Variants in FBN1 observed in about 807,000 individuals in gnomAD.
The protein encoded by FBN1 is fibrillin-1.
Under a neutral mutation model 365.1 loss-of-function variants are expected in FBN1, and 29 were observed. The observed-to-expected ratio is 0.08, with a 90% CI of 0.06 to 0.11. The LOEUF is 0.11. Among genes scored for constraint, FBN1 ranks in the 10% least tolerant of loss-of-function variants. The pLI is 1.00. For synonymous variants in FBN1, 1,210 were observed against 1,270.5 expected, an observed-to-expected ratio of 0.95 and a Z score of 1.01; for missense variants, 2,476 against 3,703.2, an observed-to-expected ratio of 0.67 and a Z score of 8.60.
In FBN1 at chr15:48,600,238, G is replaced by C; in HGVS notation, c.347-4C>G. The C allele has an allele frequency of 6.2e-7, 1 of 1,609,414 alleles. No individual in the cohort carries two copies. Among genetic ancestry groups the C allele is most frequent in the East Asian group, 2.2e-5 (1 of 44,828 alleles). On this transcript the variant is annotated splice_polypyrimidine_tract_variant and splice_region_variant and intron_variant, in intron 4 of 65. Coordinates refer to ENST00000316623, the MANE Select transcript of FBN1 (RefSeq NM_000138.5). Reference sequence around the variant, plus strand: ...CAGCGAATATTGCAGTGTTGTACTTGAAAAAAAAGAAGAAGAATTCACTTT... The same window carrying C: ...CAGCGAATATTGCAGTGTTGTACTTCAAAAAAAAGAAGAAGAATTCACTTT...
At chr15:48,542,007 AT>A (rs2044061740) in intron 6 of FBN1, among the ~76,000 whole-genome samples, 1 of 152,168 alleles carries the variant, frequency 6.6e-6, no homozygotes, top group African/African-American at 2.4e-5. Flanking sequence ...TTCATGGGAA[AT>A]TCTGCATCTC....
rs28730799 is a variant in FBN1 at position 48,600,307 on chromosome 15, T to C, written c.347-73A>G. 9,771 of 1,064,214 alleles carry C rather than the reference T, an allele frequency of 9.2e-3. 63 individuals are homozygous for C. The highest frequency in any genetic ancestry group is 0.012 in the Middle Eastern group (58 of 5,016). The allele number at this position is 1,064,214 out of a possible 1,614,324, so 65.9% of individuals were successfully genotyped here. ...ATTGCAACAGCTCACAGGAGTTGAT[T>C]TGTAGTTATTTGAAGAGAAAATCAA... On this transcript the variant is annotated intron_variant, in intron 4 of 65. Transcript: ENST00000316623.
intron 7 of FBN1, among the ~76,000 whole-genome samples, chr15:48,536,167 C>T (rs1280787296): frequency 6.6e-6 from 1 of 152,176 alleles, no homozygotes; most frequent in Non-Finnish European, 1.5e-5. Context: ...ATTTCACTCT[C>T]AAAATAGCAA....
rs564799534 is a variant in FBN1, at chr15:48,463,683, A to G, written c.5065+216T>C. Among the ~76,000 whole-genome samples, 10 of 152,350 alleles carry G rather than the reference A, an allele frequency of 6.6e-5. No homozygotes were observed. In the South Asian group the frequency reaches 2.1e-3, roughly 32 times the overall value. On this transcript the variant is annotated intron_variant, in intron 41 of 65. Transcript: ENST00000316623. The stretch of plus-strand genomic sequence containing the variant: ...ATTAACTGTTGTTTGGGATTTTCCA[A>G]CATACATTTTAGAGAAAACTCCCAA...
Position 48,425,382 on chromosome 15 carries a change from T to C in FBN1, c.7440A>G (p.Gly2480=), listed in dbSNP as rs1449160375. The part of the protein sequence containing the change: ...CPKGYILQED[G]RSCKDLDECA... ...ATTCTACTTTACCTTTGCAGCTCCT[T>C]CCATCCTCTTGCAGAATGTAGCCTT... The change falls in exon 60 of 66, where the codon GGA becomes GGG. Residue 2480 remains glycine (G), a synonymous_variant. Transcript: ENST00000316623. The C allele has an allele frequency of 6.2e-7, 1 of 1,614,206 alleles. No individual in the cohort carries two copies.
Position 48,437,773 on chromosome 15 carries a change from G to T in FBN1, c.6308C>A (p.Pro2103His). 1 of 1,613,712 alleles carries T rather than the reference G, an allele frequency of 6.2e-7. No homozygotes were observed. The highest frequency in any genetic ancestry group is 8.5e-7 in the Non-Finnish European group (1 of 1,179,812). The change falls in exon 51 of 66, where the codon CCT becomes CAT. Residue 2103 changes from proline (P) to histidine (H), a missense_variant. Physicochemically the swap from Pro to His is moderately conservative, Grantham distance 77. Coordinates refer to ENST00000316623, the MANE Select transcript of FBN1 (RefSeq NM_000138.5). Reference sequence around the variant, plus strand: ...AATGCAGATGACAGACATACCATCAGGTTCCGTGGGGCAGAGCTCGCAGGG... The same window carrying T: ...AATGCAGATGACAGACATACCATCATGTTCCGTGGGGCAGAGCTCGCAGGG... ...GDPCELCPTE[P>H]DEAFRQICPY...
chr15:48,463,922 A>G lies in FBN1; in HGVS notation c.5042T>C (p.Val1681Ala). The change falls in exon 41 of 66, where the codon GTG becomes GCG. Residue 1681 changes from valine to alanine, a missense_variant. Coordinates refer to ENST00000316623, the MANE Select transcript of FBN1 (RefSeq NM_000138.5). ...TCICPPDYMQ[V>A]NGGNNCMDMR... is the part of the protein sequence containing the mutation. ...ACCCATGCAATTATTTCCCCCATTCACTTGCATGTAGTCTGGAGGACAGAT... is the reference window on the plus strand; with the variant it reads ...ACCCATGCAATTATTTCCCCCATTCGCTTGCATGTAGTCTGGAGGACAGAT... 1.9e-6 allele frequency: 3 copies of G among 1,613,674 alleles called. No homozygotes were observed. Among genetic ancestry groups the G allele is most frequent in the Non-Finnish European group, 2.5e-6 (3 of 1,179,800 alleles).
At chr15:48,506,850 C>T (rs2043712177) in intron 15 of FBN1, among the ~76,000 whole-genome samples, 1 of 152,050 alleles carries the variant, frequency 6.6e-6, no homozygotes, top group South Asian at 2.1e-4. Context: ...AGTCTTATTA[C>T]AGTGTGTGTA....
At chr15:48,582,876 G>A (rs1566932049) in intron 6 of FBN1, among the ~76,000 whole-genome samples, 1 of 152,136 alleles carries the variant, frequency 6.6e-6, no homozygotes, top group Non-Finnish European at 1.5e-5. Flanking sequence ...GACTTTGAAG[G>A]GCATTGGAAA....
In FBN1 at chr15:48,503,842, G is replaced by T. The variant is rs759859967; in HGVS notation, c.2058C>A (p.Ala686=). The change falls in exon 17 of 66, where the codon GCC becomes GCA. Residue 686 remains alanine, a synonymous_variant. Transcript: ENST00000316623. ...GTTCCCCAAATGCATACTCAGTGCT[G>T]GCGCAACAGCATTCAGATTTAGTGA... The part of the protein sequence containing the change: ...GAVTKSECCC[A]STEYAFGEPC... The T allele has an allele frequency of 3.1e-6, 5 of 1,614,072 alleles. No homozygotes were observed. The African/African-American group carries it at 6.7e-5, about 22-fold the overall frequency.
intron 2 of FBN1, chr15:48,641,315 A>G (rs2140780848): frequency 6.6e-6 from 1 of 152,086 alleles, no homozygotes; most frequent in African/African-American, 2.4e-5. Flanking sequence ...AAAAAAAAAG[A>G]ACACCTGCAA....
chr15:48,617,628 G>C (rs893001437), intron 2 of FBN1, among the ~76,000 whole-genome samples: 5 of 152,090 alleles, frequency 3.3e-5, no homozygotes. Flanking sequence ...ATTGTGCTCT[G>C]TAAGAACCCA....
intron 31 of FBN1, among the ~76,000 whole-genome samples, chr15:48,483,391 A>T (rs1424718887): frequency 6.6e-6 from 1 of 152,234 alleles, no homozygotes; most frequent in Non-Finnish European, 1.5e-5. Flanking sequence ...CGTAGAAGAA[A>T]AGTTTATCAA....
intron 6 of FBN1, among the ~76,000 whole-genome samples, chr15:48,550,235 T>C (rs929051823): frequency 2.0e-5 from 3 of 152,168 alleles, no homozygotes; most frequent in African/African-American, 7.2e-5. Context: ...TGGCTTCAGC[T>C]AGGTTAGGAA....
intron 47 of FBN1, among the ~76,000 whole-genome samples, chr15:48,445,979 TAA>T (rs1370815736): frequency 6.6e-6 from 1 of 152,150 alleles, no homozygotes. Context: ...ATGATTTATT[TAA>T]GAGAGGCTAC....
chr15:48,532,197 A>T (rs1417770871), intron 8 of FBN1, among the ~76,000 whole-genome samples: 1 of 152,240 alleles, frequency 6.6e-6, no homozygotes, highest in African/African-American at 2.4e-5. Flanking sequence ...CAAGAGACAA[A>T]ATCAATTCTA....
chr15:48,562,946 A>T (rs1351886959), intron 6 of FBN1, among the ~76,000 whole-genome samples: 1 of 152,206 alleles, frequency 6.6e-6, no homozygotes. Flanking sequence ...TACCAAAAGA[A>T]GATGTTTTTA....
intron 2 of FBN1, among the ~76,000 whole-genome samples, chr15:48,635,420 T>C (rs1243300385): frequency 6.6e-6 from 1 of 152,232 alleles, no homozygotes; most frequent in South Asian, 2.1e-4. Context: ...TTTTATTCTA[T>C]TGATAATGTG....
At chr15:48,465,885 T>A in intron 38 of FBN1, 27 bp from the exon 39 acceptor site, 1 of 1,518,484 alleles carries the variant, frequency 6.6e-7, no homozygotes, top group African/African-American at 1.4e-5. Context: ...TCAAATTGAG[T>A]TGTTTTGAAT....
Sources: gnomAD v4.1 joint callset for allele counts (sites outside exome capture counted in the v4.1 genomes callset) on GRCh38, gnomAD v4.1.1 for gene constraint, MANE v1.5 for transcripts, NCBI Gene and HGNC (gene_info 2026-07-23, HGNC 2026-07-21) for gene names.